Variants in CACNA2D1 observed in about 807,000 individuals in gnomAD.
The protein encoded by CACNA2D1 is voltage-dependent calcium channel subunit alpha-2/delta-1.
A neutral mutation model predicts 171.5 loss-of-function variants in CACNA2D1; 53 were observed. The observed-to-expected ratio is 0.31, with a 90% CI of 0.25 to 0.39. CACNA2D1 has a LOEUF of 0.39. CACNA2D1 is among the 10% of genes least tolerant of loss of function. CACNA2D1 has a pLI of 1.00. For missense variants in CACNA2D1, 903 were observed against 1,299.8 expected, an observed-to-expected ratio of 0.69 and a Z score of 4.69; for synonymous variants, 442 against 443.1, an observed-to-expected ratio of 1.00 and a Z score of 0.03.
chr7:82,396,730 T>G (rs1585801730), intron 1 of CACNA2D1, among the ~76,000 whole-genome samples: 1 of 152,322 alleles, frequency 6.6e-6, no homozygotes, highest in East Asian at 1.9e-4. Flanking sequence ...GAAGGAAATC[T>G]AACTATAATG....
chr7:82,032,700 T>C (rs1802855164), intron 12 of CACNA2D1, 97 bp downstream of exon 12: 3 of 660,228 alleles, frequency 4.5e-6, no homozygotes, highest in Non-Finnish European at 7.9e-6. Flanking sequence ...AATCAGGTTT[T>C]AAATCAAAAA....
chr7:82,278,996 TC>T (rs1257872017), intron 3 of CACNA2D1, among the ~76,000 whole-genome samples: 5 of 152,162 alleles, frequency 3.3e-5, no homozygotes, highest in African/African-American at 1.2e-4. Context: ...AGCTTCTGGC[TC>T]CCTTAAAGCT....
At chr7:82,143,369 T>A (rs1435621491) in intron 4 of CACNA2D1, among the ~76,000 whole-genome samples, 1 of 152,146 alleles carries the variant, frequency 6.6e-6, no homozygotes, top group Non-Finnish European at 1.5e-5. Context: ...TGTTAACTAC[T>A]TTTTATATAT....
chr7:82,392,799 A>G (rs1157279633), intron 1 of CACNA2D1, among the ~76,000 whole-genome samples: 2 of 152,120 alleles, frequency 1.3e-5, no homozygotes, highest in Non-Finnish European at 2.9e-5. Context: ...CCATATCAAT[A>G]CAACAATTCC....
chr7:82,222,898 CTT>C (rs796527774), intron 3 of CACNA2D1, among the ~76,000 whole-genome samples: 10 of 124,518 alleles, frequency 8.0e-5, no homozygotes, highest in African/African-American at 2.2e-4. Flanking sequence ...TTCTTTCTTT[CTT>C]TTTTTTTTTT....
chr7:82,365,913 C>G (rs780450490), intron 1 of CACNA2D1, among the ~76,000 whole-genome samples: 10 of 152,174 alleles, frequency 6.6e-5, no homozygotes, highest in Non-Finnish European at 1.2e-4. Flanking sequence ...ATTGGGTACT[C>G]AAGCTACTAC....
chr7:82,321,196 C>T (rs1585480665), intron 3 of CACNA2D1, among the ~76,000 whole-genome samples: 1 of 151,924 alleles, frequency 6.6e-6, no homozygotes, highest in East Asian at 1.9e-4. Flanking sequence ...GTCAGGAGTT[C>T]AAGACCAGCC....
chr7:82,203,947 A>G (rs545924158), intron 3 of CACNA2D1, among the ~76,000 whole-genome samples: 1 of 152,204 alleles, frequency 6.6e-6, no homozygotes, highest in Non-Finnish European at 1.5e-5. Context: ...GGAGCAGCCA[A>G]GTATGCTGAG....
chr7:82,224,260 A>G (rs192126716), intron 3 of CACNA2D1, among the ~76,000 whole-genome samples: 189 of 152,276 alleles, frequency 1.2e-3, no homozygotes, highest in African/African-American at 4.4e-3. Context: ...TCATGGGAAA[A>G]CATTTTTCTT....
rs141712686 is a variant in CACNA2D1, at chr7:82,293,387, G to C, written c.294+41748C>G. Among the ~76,000 whole-genome samples the C allele has an allele frequency of 6.7e-4, 102 of 152,140 alleles. 3 individuals are homozygous for C. The East Asian group carries it at 0.013, about 19-fold the overall frequency. On this transcript the variant is annotated intron_variant, in intron 3 of 38. Transcript: ENST00000356860. ...AATCTTTGTTTATCCATATTTAAGA[G>C]TAAGACTTTGAAAAGCTAGTTGAAA...
intron 1 of CACNA2D1, among the ~76,000 whole-genome samples, chr7:82,424,838 T>G (rs1829034047): frequency 6.6e-6 from 1 of 152,224 alleles, no homozygotes; most frequent in African/African-American, 2.4e-5. Flanking sequence ...TGATGGGTCA[T>G]CTGATGCTTC....
At chr7:82,226,423 G>A (rs1261790099) in intron 3 of CACNA2D1, among the ~76,000 whole-genome samples, 1 of 152,086 alleles carries the variant, frequency 6.6e-6, no homozygotes, top group Non-Finnish European at 1.5e-5. Context: ...TTCCTTCCTG[G>A]GATGAACACT....
intron 3 of CACNA2D1, among the ~76,000 whole-genome samples, chr7:82,258,308 C>CA (rs60283753): frequency 0.061 from 7,638 of 124,868 alleles, 297 homozygotes; most frequent in East Asian, 0.13. Flanking sequence ...CAGAAGGCAG[C>CA]AAAAAAAAAA....
chr7:82,014,436 C>T lies in CACNA2D1; in HGVS notation c.1187G>A (p.Arg396Lys). Residue 396 changes from arginine (R) to lysine (K), a missense_variant, in exon 13 of 39, where the codon AGA becomes AAA. By Grantham distance (26) the Arg-to-Lys change is conservative. Transcript: ENST00000356860. ...ACAGGCCATCCACTGAATAGGTCCT[C>T]TGTCATAATTGTGTTGACCAACTGA... ...TFSVGQHNYD[R>K]GPIQWMACEN... 1 of 1,600,732 alleles carries T rather than the reference C, an allele frequency of 6.2e-7. No homozygotes were observed.
At chr7:82,063,736 A>G (rs1807243369) in intron 9 of CACNA2D1, among the ~76,000 whole-genome samples, 1 of 152,160 alleles carries the variant, frequency 6.6e-6, no homozygotes, top group Admixed American at 6.6e-5. Context: ...CAACCTTATT[A>G]GAAAACATGT....
chr7:82,064,198 G>T (rs1584606118), intron 9 of CACNA2D1, 106 bp downstream of exon 9: 3 of 678,666 alleles, frequency 4.4e-6, no homozygotes, highest in South Asian at 2.0e-5. Flanking sequence ...ATTTTTCTTT[G>T]TTTCTTTTTT....
At chr7:82,057,536 G>A (rs1806073695) in intron 10 of CACNA2D1, among the ~76,000 whole-genome samples, 1 of 148,102 alleles carries the variant, frequency 6.8e-6, no homozygotes, top group Non-Finnish European at 1.5e-5. Context: ...ATCTGAATAT[G>A]CTTCAATTCT....
At chr7:82,331,829 T>C (rs1585527757) in intron 3 of CACNA2D1, among the ~76,000 whole-genome samples, 1 of 152,128 alleles carries the variant, frequency 6.6e-6, no homozygotes, top group Admixed American at 6.6e-5. Flanking sequence ...AGAAGAAAAA[T>C]GTAGACTGAT....
At chr7:81,965,821 T>G (rs2130340293) in intron 31 of CACNA2D1, among the ~76,000 whole-genome samples, 156 bp from the exon 32 acceptor site, 1 of 151,936 alleles carries the variant, frequency 6.6e-6, no homozygotes, top group African/African-American at 2.4e-5. Flanking sequence ...TCTGGTGAAA[T>G]AAAGGCATGC....
Sources: gnomAD v4.1 joint callset for allele counts (sites outside exome capture counted in the v4.1 genomes callset) on GRCh38, gnomAD v4.1.1 for gene constraint, MANE v1.5 for transcripts, NCBI Gene and HGNC (gene_info 2026-07-23, HGNC 2026-07-21) for gene names.